Variants in ESR1 observed in about 807,000 individuals in gnomAD.
The protein encoded by ESR1 is estrogen receptor 1.
ESR1 carries 12 observed loss-of-function variants against 52.7 expected under a neutral mutation model. The observed-to-expected ratio is 0.23, with a 90% CI of 0.15 to 0.37. The LOEUF is 0.37. Among genes scored for constraint, ESR1 ranks in the 10% least tolerant of loss-of-function variants. The pLI is 1.00. For missense variants in ESR1, 584 were observed against 779.7 expected (o/e 0.75, Z 2.99); for synonymous variants, 305 against 316.8 (o/e 0.96, Z 0.39).
intron 2 of ESR1, among the ~76,000 whole-genome samples, chr6:151,748,975 C>A (rs1317069898): frequency 6.6e-6 from 1 of 151,930 alleles, no homozygotes; most frequent in African/African-American, 2.4e-5. Flanking sequence ...GCTAGGTGAA[C>A]TTTAAGTGCT....
intron 4 of ESR1, among the ~76,000 whole-genome samples, chr6:151,993,670 G>GC (rs1176315432): frequency 6.6e-6 from 1 of 152,132 alleles, no homozygotes; most frequent in African/African-American, 2.4e-5. Context: ...TTCATAACTT[G>GC]CTTTATTAAC....
At chr6:151,970,798 C>T (rs1318401572) in intron 4 of ESR1, among the ~76,000 whole-genome samples, 1 of 152,178 alleles carries the variant, frequency 6.6e-6, no homozygotes, top group African/African-American at 2.4e-5. Flanking sequence ...CACTCATTTA[C>T]CTCATCTGTG....
chr6:151,851,028 A>G (rs1028418856), intron 2 of ESR1, among the ~76,000 whole-genome samples: 5 of 152,176 alleles, frequency 3.3e-5, no homozygotes, highest in Admixed American at 1.3e-4. Flanking sequence ...GCAGTACAAG[A>G]TCCTTTAATG....
intron 2 of ESR1, among the ~76,000 whole-genome samples, chr6:151,729,507 T>G (rs1383025479): frequency 6.6e-6 from 1 of 152,148 alleles, no homozygotes; most frequent in Non-Finnish European, 1.5e-5. Context: ...TTAATAATGC[T>G]TGGACCTATC....
intron 4 of ESR1, among the ~76,000 whole-genome samples, chr6:151,995,043 C>A (rs1447308284): frequency 6.6e-6 from 1 of 152,068 alleles, no homozygotes; most frequent in Non-Finnish European, 1.5e-5. Flanking sequence ...GCTGTGGGGT[C>A]TTTTTAGGGA....
rs954712881 is a variant in ESR1, at chr6:151,807,759, C to G, written c.-154C>G. On this transcript the variant is annotated 5_prime_UTR_variant, in exon 1 of 8. Transcript: ENST00000206249. ...CGGCTTCACCGGACCCGCAGGCTCC[C>G]GGGGCAGGGCCGGGGCCAGAGCTCG... The G allele has an allele frequency of 6.4e-6, 5 of 777,570 alleles. No individual in the cohort carries two copies. Among genetic ancestry groups the G allele is most frequent in the South Asian group, 4.6e-5 (3 of 65,094 alleles). The allele number at this position is 777,570 out of a possible 1,614,324, so 48.2% of individuals were successfully genotyped here.
intron 6 of ESR1, among the ~76,000 whole-genome samples, chr6:152,066,658 T>C (rs1287767423): frequency 6.6e-6 from 1 of 152,260 alleles, no homozygotes; most frequent in African/African-American, 2.4e-5. Flanking sequence ...GACTGTATTC[T>C]GTAGGCAGCC....
chr6:151,754,165 G>C (rs1396944461), intron 2 of ESR1, among the ~76,000 whole-genome samples: 1 of 152,130 alleles, frequency 6.6e-6, no homozygotes, highest in African/African-American at 2.4e-5. Flanking sequence ...TTATAATTTG[G>C]AAAAGAAGCA....
At chr6:152,085,231 A>T (rs1302412580) in intron 6 of ESR1, among the ~76,000 whole-genome samples, 1 of 152,048 alleles carries the variant, frequency 6.6e-6, no homozygotes, top group East Asian at 1.9e-4. Context: ...TGAGCGCAGG[A>T]GTTTGAGGCT....
intron 2 of ESR1, among the ~76,000 whole-genome samples, chr6:151,719,675 C>G (rs768974986): frequency 4.6e-5 from 7 of 152,180 alleles, no homozygotes; most frequent in Non-Finnish European, 8.8e-5. Context: ...TTCATACTAT[C>G]TCTACAATTC....
At chr6:151,922,969 A>G (rs1347984042) in intron 3 of ESR1, among the ~76,000 whole-genome samples, 1 of 152,170 alleles carries the variant, frequency 6.6e-6, no homozygotes, top group African/African-American at 2.4e-5. Context: ...CTTATCTGTC[A>G]CTTCCTATAC....
intron 6 of ESR1, among the ~76,000 whole-genome samples, chr6:152,079,085 C>G (rs1172625808): frequency 1.3e-5 from 2 of 152,242 alleles, no homozygotes; most frequent in African/African-American, 4.8e-5. Flanking sequence ...CAGACAGCTT[C>G]CGCAGACTTA....
intron 2 of ESR1, among the ~76,000 whole-genome samples, chr6:151,726,508 G>A (rs956946767): frequency 3.3e-5 from 5 of 151,956 alleles, no homozygotes; most frequent in African/African-American, 9.7e-5. Context: ...ATTTTTGTGT[G>A]TGTGTTTTTA....
At chr6:151,998,367 TC>T (rs1480169458) in intron 4 of ESR1, among the ~76,000 whole-genome samples, 2 of 148,170 alleles carry the variant, frequency 1.3e-5, no homozygotes, top group African/African-American at 5.0e-5. Flanking sequence ...CAGTATTATT[TC>T]TTTTTTTTTT....
intron 1 of ESR1, among the ~76,000 whole-genome samples, chr6:151,677,524 C>A (rs974873232): frequency 6.6e-6 from 1 of 152,100 alleles, no homozygotes; most frequent in African/African-American, 2.4e-5. Flanking sequence ...AAACATCCAC[C>A]CAGTAGTATT....
intron 2 of ESR1, among the ~76,000 whole-genome samples, chr6:151,867,852 C>T (rs1276960261): frequency 6.6e-6 from 1 of 152,188 alleles, no homozygotes; most frequent in East Asian, 1.9e-4. Flanking sequence ...ACAGGGATGA[C>T]TGAATTCGTG....
chr6:151,667,247 C>T (rs1777861627), intron 1 of ESR1, among the ~76,000 whole-genome samples: 1 of 152,166 alleles, frequency 6.6e-6, no homozygotes, highest in Non-Finnish European at 1.5e-5. Context: ...GAACACTTGT[C>T]ATTTTATTAA....
chr6:151,771,885 T>C (rs1435528567), intron 2 of ESR1, among the ~76,000 whole-genome samples: 1 of 152,192 alleles, frequency 6.6e-6, no homozygotes, highest in African/African-American at 2.4e-5. Flanking sequence ...AAGAAATTAC[T>C]TGGAATGGAA....
intron 1 of ESR1, among the ~76,000 whole-genome samples, chr6:151,696,218 C>T (rs1178492860): frequency 6.6e-6 from 1 of 152,052 alleles, no homozygotes; most frequent in African/African-American, 2.4e-5. Flanking sequence ...TGTCTGTAAT[C>T]CCAATATTTT....
Sources: allele counts gnomAD v4.1 joint callset (sites outside exome capture counted in the v4.1 genomes callset), GRCh38; gene constraint gnomAD v4.1.1; transcripts MANE v1.5; gene names NCBI Gene and HGNC (gene_info 2026-07-23, HGNC 2026-07-21).